Variants in B3GALT1 observed in about 807,000 individuals in gnomAD.
B3GALT1 encodes UDP-Gal:betaGlcNAc beta 1,3-galactosyltransferase, polypeptide 1.
B3GALT1 carries 10 observed loss-of-function variants against 23.2 expected under a neutral mutation model. The ratio of observed to expected loss-of-function variants is 0.43; its 90% CI spans 0.27 to 0.73. The LOEUF (loss-of-function observed/expected upper bound fraction) is 0.73, where lower values mean the gene tolerates loss of function less well. B3GALT1 is among the 30% of genes least tolerant of loss of function. The pLI, the probability that B3GALT1 is intolerant of heterozygous loss-of-function variation, is 0.21. For synonymous variants in B3GALT1, 156 were observed against 141.5 expected (o/e 1.10, Z -0.73); for missense variants, 299 against 405.4 (o/e 0.74, Z 2.25).
chr2:167,837,567 CAT>C (rs1258697514), intron 4 of B3GALT1, among the ~76,000 whole-genome samples: 3 of 150,980 alleles, frequency 2.0e-5, no homozygotes, highest in African/African-American at 7.4e-5. Flanking sequence ...GACTCCCACA[CAT>C]TAATAATGGG....
At chr2:167,604,142 A>G (rs965665413) in intron 2 of B3GALT1, among the ~76,000 whole-genome samples, 1 of 152,202 alleles carries the variant, frequency 6.6e-6, no homozygotes, top group African/African-American at 2.4e-5. Context: ...CACATTGCAC[A>G]TACACAATAA....
chr2:167,867,130 T>A (rs2615319), intron 4 of B3GALT1, among the ~76,000 whole-genome samples: 149,699 of 152,194 alleles, frequency 0.98, 73,641 homozygotes, highest in Admixed American at 0.99. Context: ...GTTTCACCGT[T>A]TTAGCCAGGA....
At chr2:167,505,020 T>A (rs943035502) in intron 2 of B3GALT1, among the ~76,000 whole-genome samples, 6 of 151,516 alleles carry the variant, frequency 4.0e-5, no homozygotes, top group Non-Finnish European at 8.8e-5. Context: ...TGTATTGATA[T>A]AGAGAGATCT....
chr2:167,511,952 A>C (rs904763041), intron 2 of B3GALT1, among the ~76,000 whole-genome samples: 1 of 152,196 alleles, frequency 6.6e-6, no homozygotes, highest in Non-Finnish European at 1.5e-5. Context: ...ATGAATACAA[A>C]AGACAAAGTC....
intron 1 of B3GALT1, among the ~76,000 whole-genome samples, chr2:167,488,847 G>A (rs528443934): frequency 9.9e-5 from 15 of 151,726 alleles, no homozygotes; most frequent in Admixed American, 2.6e-4. Context: ...GCACTTTTTT[G>A]TGTCAGGCTT....
intron 1 of B3GALT1, among the ~76,000 whole-genome samples, chr2:167,386,847 A>T (rs1404066455): frequency 6.6e-6 from 1 of 152,152 alleles, no homozygotes; most frequent in Middle Eastern, 3.2e-3. Context: ...AACTTAAACC[A>T]TTTTTCCCCA....
chr2:167,801,034 A>T (rs1166380070), intron 3 of B3GALT1, among the ~76,000 whole-genome samples: 1 of 152,228 alleles, frequency 6.6e-6, no homozygotes, highest in Admixed American at 6.5e-5. Context: ...CATCAGGGTG[A>T]AAGGTGAAGG....
In B3GALT1 at chr2:167,868,952, A is replaced by G. The variant is rs1574311638; in HGVS notation, c.-88A>G. The G allele has an allele frequency of 2.8e-6, 4 of 1,428,842 alleles. No homozygotes were observed. In the Admixed American group the frequency reaches 9.1e-5, roughly 32 times the overall value. The allele number at this position is 1,428,842 out of a possible 1,614,324, so 88.5% of individuals were successfully genotyped here. ...TCTCTATCAAACTTGAAGATTTATTAGTAATATGCTGCCTTTGGAAGATGA... is the reference window on the plus strand; with the variant it reads ...TCTCTATCAAACTTGAAGATTTATTGGTAATATGCTGCCTTTGGAAGATGA... On this transcript the variant is annotated 5_prime_UTR_variant, in exon 5 of 5. Transcript: ENST00000392690.
chr2:167,638,663 A>C (rs977076605), intron 2 of B3GALT1, among the ~76,000 whole-genome samples: 1 of 152,110 alleles, frequency 6.6e-6, no homozygotes, highest in Non-Finnish European at 1.5e-5. Flanking sequence ...AAATTTGATA[A>C]TAACACTGGA....
chr2:167,666,519 CTTG>C (rs1686191404), intron 3 of B3GALT1, among the ~76,000 whole-genome samples: 1 of 151,222 alleles, frequency 6.6e-6, no homozygotes, highest in Non-Finnish European at 1.5e-5. Flanking sequence ...GACTTTCTGT[CTTG>C]TTGATCTGTC....
chr2:167,585,033 C>G (rs1684563761), intron 2 of B3GALT1, among the ~76,000 whole-genome samples: 1 of 152,168 alleles, frequency 6.6e-6, no homozygotes, highest in African/African-American at 2.4e-5. Context: ...ATCCTCTACT[C>G]CTGCCTTGAT....
At chr2:167,723,623 T>C (rs865930879) in intron 3 of B3GALT1, among the ~76,000 whole-genome samples, 1 of 152,026 alleles carries the variant, frequency 6.6e-6, no homozygotes. Flanking sequence ...ATCTGCCTCT[T>C]GTGTTCAAGC....
intron 1 of B3GALT1, among the ~76,000 whole-genome samples, chr2:167,371,082 A>T (rs1214895120): frequency 1.3e-5 from 2 of 152,190 alleles, no homozygotes. Flanking sequence ...CCTTGGAGAA[A>T]AAAGAAGGGA....
intron 1 of B3GALT1, among the ~76,000 whole-genome samples, chr2:167,439,827 T>C (rs1052795611): frequency 9.0e-6 from 1 of 110,822 alleles, no homozygotes; most frequent in Non-Finnish European, 1.9e-5. Flanking sequence ...TTTTGTAGTA[T>C]TTTTTTTTTT....
chr2:167,405,515 G>T (rs1035938445), intron 1 of B3GALT1, among the ~76,000 whole-genome samples: 1 of 152,052 alleles, frequency 6.6e-6, no homozygotes, highest in African/African-American at 2.4e-5. Flanking sequence ...CTCAGAAATT[G>T]AGGTGATATT....
chr2:167,695,512 C>G (rs1686778763), intron 3 of B3GALT1, among the ~76,000 whole-genome samples: 1 of 152,146 alleles, frequency 6.6e-6, no homozygotes, highest in Non-Finnish European at 1.5e-5. Context: ...ACTCCTCAGC[C>G]TTACCAGGGA....
At position 167,517,867 on chromosome 2, in the gene B3GALT1, G is replaced by T. The variant is rs75819472; in HGVS notation, c.-410+27590G>T. ...ATCTATTGCTTAGTCCCAAACAATC[G>T]TAGGATAAAATCCTTAACTCTAATT... is the stretch of plus-strand genomic sequence containing the variant. On this transcript the variant is annotated intron_variant, in intron 2 of 4. Coordinates refer to ENST00000392690, the MANE Select transcript of B3GALT1 (RefSeq NM_020981.4). 5.6e-3 allele frequency among the ~76,000 whole-genome samples: 850 copies of T among 152,030 alleles called. 9 individuals are homozygous for T. The highest frequency in any genetic ancestry group is 0.02 in the African/African-American group (819 of 41,512).
intron 1 of B3GALT1, among the ~76,000 whole-genome samples, chr2:167,463,554 A>C (rs1699298749): frequency 6.6e-6 from 1 of 152,126 alleles, no homozygotes; most frequent in South Asian, 2.1e-4. Flanking sequence ...TTTGACTCTA[A>C]AATCTGGACC....
At chr2:167,622,121 C>T (rs1685270155) in intron 2 of B3GALT1, among the ~76,000 whole-genome samples, 1 of 152,028 alleles carries the variant, frequency 6.6e-6, no homozygotes, top group South Asian at 2.1e-4. Context: ...CAGTATTGTT[C>T]ACATAATCTC....
Sources: gnomAD v4.1 joint callset for allele counts (sites outside exome capture counted in the v4.1 genomes callset) on GRCh38, gnomAD v4.1.1 for gene constraint, MANE v1.5 for transcripts, NCBI Gene and HGNC (gene_info 2026-07-23, HGNC 2026-07-21) for gene names.